The following SATB2 variants were observed in gnomAD, a reference collection of about 807,000 sequenced individuals.
The protein encoded by SATB2 is DNA-binding protein SATB2.
Under a neutral mutation model 73.4 loss-of-function variants are expected in SATB2, and 1 was observed. The observed-to-expected ratio is 0.01, with a 90% CI of 0.00 to 0.06. The LOEUF is 0.06. Among genes scored for constraint, SATB2 ranks in the 10% least tolerant of loss-of-function variants. The probability of loss-of-function intolerance (pLI) is 1.00; values close to 1 mark genes in which losing one functional copy is unlikely to be tolerated. For synonymous variants in SATB2, 397 were observed against 367.0 expected (o/e 1.08, Z -0.93); for missense variants, 459 against 945.8 (o/e 0.49, Z 6.75).
At chr2:199,386,700 GCGCGCGCGCGCGCGCGCACACACACACA>G (rs1559021576) in intron 3 of SATB2, among the ~76,000 whole-genome samples, 5 of 2,152 alleles carry the variant, frequency 2.3e-3, no homozygotes, top group South Asian at 0.036. Context: ...GCGCAAGCGC[GCGCGCGCGCGCGCGCGCACACACACACA>G]CACACACACA....
intron 7 of SATB2, among the ~76,000 whole-genome samples, chr2:199,346,254 A>G (rs1232056974): frequency 6.6e-6 from 1 of 151,150 alleles, no homozygotes; most frequent in Non-Finnish European, 1.5e-5. Flanking sequence ...GGTTCAAGTG[A>G]TTCTCCTACC....
At chr2:199,391,064 C>T (rs1445097907) in intron 3 of SATB2, among the ~76,000 whole-genome samples, 1 of 152,158 alleles carries the variant, frequency 6.6e-6, no homozygotes, top group East Asian at 1.9e-4. Flanking sequence ...TAAGAAACTA[C>T]AATACACAGA....
intron 3 of SATB2, chr2:199,397,757 C>T (rs961876768): frequency 1.9e-5 from 8 of 421,596 alleles, no homozygotes; most frequent in Admixed American, 5.1e-5. Context: ...GGCATGGTGG[C>T]GTGCTGCTGG....
At chr2:199,443,085 G>A (rs1445147136) in intron 2 of SATB2, among the ~76,000 whole-genome samples, 2 of 143,050 alleles carry the variant, frequency 1.4e-5, no homozygotes, top group Non-Finnish European at 3.0e-5. Context: ...AGCAGAGATC[G>A]ATTCACCTCC....
intron 4 of SATB2, 83 bp from the exon 5 acceptor site, chr2:199,380,570 T>C (rs887328254): frequency 6.5e-7 from 1 of 1,545,538 alleles, no homozygotes; most frequent in Non-Finnish European, 8.8e-7. Flanking sequence ...GCAGCCATTC[T>C]TGGGTCTTGT....
intron 3 of SATB2, among the ~76,000 whole-genome samples, chr2:199,405,481 G>C (rs1373047323): frequency 2.0e-5 from 3 of 152,148 alleles, no homozygotes; most frequent in African/African-American, 7.2e-5. Context: ...CAGCCAAGCA[G>C]GCTGACCCAG....
At chr2:199,401,681 G>T (rs1690483543) in intron 3 of SATB2, among the ~76,000 whole-genome samples, 2 of 152,164 alleles carry the variant, frequency 1.3e-5, no homozygotes, top group South Asian at 4.1e-4. Context: ...AGGGTGCTAG[G>T]CAGAAATATG....
At chr2:199,366,395 G>T (rs549670114) in intron 6 of SATB2, among the ~76,000 whole-genome samples, 3 of 151,990 alleles carry the variant, frequency 2.0e-5, no homozygotes, top group East Asian at 1.9e-4. Flanking sequence ...ATAGAAAAAG[G>T]CTTCTACCAA....
At chr2:199,383,016 G>A (rs766192662) in intron 3 of SATB2, among the ~76,000 whole-genome samples, 2 of 152,132 alleles carry the variant, frequency 1.3e-5, no homozygotes, top group Non-Finnish European at 2.9e-5. Flanking sequence ...GTCAGGGCAC[G>A]TCCTGTCCAA....
At chr2:199,384,407 G>A (rs986078887) in intron 3 of SATB2, among the ~76,000 whole-genome samples, 3 of 152,230 alleles carry the variant, frequency 2.0e-5, no homozygotes, top group Admixed American at 1.3e-4. Flanking sequence ...AGATCTGCTA[G>A]GAGAGCTATG....
At chr2:199,291,384 A>C (rs1427054334) in intron 10 of SATB2, among the ~76,000 whole-genome samples, 1 of 152,220 alleles carries the variant, frequency 6.6e-6, no homozygotes, top group Admixed American at 6.5e-5. Context: ...CTGAAACTGA[A>C]TAAATAATGG....
At chr2:199,441,470 C>T (rs923843148) in intron 2 of SATB2, among the ~76,000 whole-genome samples, 1 of 152,082 alleles carries the variant, frequency 6.6e-6, no homozygotes, top group Non-Finnish European at 1.5e-5. Context: ...TCCTTGATGG[C>T]TCTCCCACTA....
At chr2:199,458,866 TGCCGCCGCGCGCGCAGGGAAG>T (rs556619076), upstream of SATB2, 897 of 300,264 alleles carry the variant, frequency 3.0e-3, 5 homozygotes, top group Non-Finnish European at 3.9e-3. Flanking sequence ...CCGCGCTTCG[TGCCGCCGCGCGCGCAGGGAAG>T]GCCGCTTCTC....
At chr2:199,364,326 C>T (rs1378007957) in intron 6 of SATB2, among the ~76,000 whole-genome samples, 2 of 152,096 alleles carry the variant, frequency 1.3e-5, no homozygotes, top group East Asian at 3.9e-4. Flanking sequence ...TACCGAAACC[C>T]TTCATGGGCT....
intron 7 of SATB2, among the ~76,000 whole-genome samples, chr2:199,345,380 G>A (rs935003291): frequency 6.6e-6 from 1 of 151,384 alleles, no homozygotes; most frequent in African/African-American, 2.4e-5. Context: ...TCATTAGCTC[G>A]TCATTTACAT....
Position 199,366,062 on chromosome 2 carries a change from C to T in SATB2, c.700+2543G>A, listed in dbSNP as rs562615265. Among the ~76,000 whole-genome samples the T allele has an allele frequency of 1.1e-4, 17 of 152,118 alleles. No individual in the cohort carries two copies. In the South Asian group the frequency reaches 3.5e-3, roughly 32 times the overall value. The stretch of plus-strand genomic sequence containing the variant: ...ATAGGAAACATATTTAACAATGTAG[C>T]CTGCATTTAGTTTGGGACCTCAGTA... On this transcript the variant is annotated intron_variant, in intron 6 of 10. Transcript: ENST00000417098.
chr2:199,383,874 G>A (rs1326720513), intron 3 of SATB2, among the ~76,000 whole-genome samples: 1 of 152,150 alleles, frequency 6.6e-6, no homozygotes, highest in Non-Finnish European at 1.5e-5. Flanking sequence ...GAACAGGCAA[G>A]ACTAATCTAA....
chr2:199,358,239 C>T (rs1689043245), intron 6 of SATB2, among the ~76,000 whole-genome samples: 1 of 152,090 alleles, frequency 6.6e-6, no homozygotes, highest in African/African-American at 2.4e-5. Flanking sequence ...ACTGAAAATA[C>T]TTCTGGTTTA....
At chr2:199,411,387 A>C (rs977450745) in intron 3 of SATB2, among the ~76,000 whole-genome samples, 1 of 152,172 alleles carries the variant, frequency 6.6e-6, no homozygotes, top group African/African-American at 2.4e-5. Flanking sequence ...AGTGAAAAAG[A>C]GGGAGAGAGT....
Sources: gnomAD v4.1 joint callset for allele counts (sites outside exome capture counted in the v4.1 genomes callset) on GRCh38, gnomAD v4.1.1 for gene constraint, MANE v1.5 for transcripts, NCBI Gene and HGNC (gene_info 2026-07-23, HGNC 2026-07-21) for gene names.